The following UBR1 variants were observed in gnomAD, a reference collection of about 807,000 sequenced individuals.
UBR1 encodes ubiquitin protein ligase E3 component n-recognin 1.
Under a neutral mutation model 242.1 loss-of-function variants are expected in UBR1, and 102 were observed. The ratio of observed to expected loss-of-function variants is 0.42; its 90% CI spans 0.36 to 0.50. The LOEUF is 0.50. Ranked by LOEUF, UBR1 falls within the 20% of genes least tolerant of loss-of-function variation. UBR1 has a pLI of 0.01. For synonymous variants in UBR1, 675 were observed against 684.8 expected, an observed-to-expected ratio of 0.99 and a Z score of 0.22; for missense variants, 1,772 against 2,101.8, an observed-to-expected ratio of 0.84 and a Z score of 3.07.
chr15:42,955,826 T>C (rs376294589), intron 44 of UBR1, among the ~76,000 whole-genome samples: 1 of 152,224 alleles, frequency 6.6e-6, no homozygotes, highest in East Asian at 1.9e-4. Flanking sequence ...TACAAAATTA[T>C]GTTTAAGCTA....
At chr15:42,965,619 C>T (rs1363119572) in intron 41 of UBR1, among the ~76,000 whole-genome samples, 1 of 152,084 alleles carries the variant, frequency 6.6e-6, no homozygotes, top group East Asian at 1.9e-4. Flanking sequence ...AATATGCCAC[C>T]ATGCCCAGCT....
At chr15:43,083,432 A>T (rs2033996386) in intron 2 of UBR1, among the ~76,000 whole-genome samples, 1 of 152,116 alleles carries the variant, frequency 6.6e-6, no homozygotes. Flanking sequence ...ACGCAGTGGA[A>T]GGCAGTGGCA....
chr15:43,076,812 C>T (rs1763772605), intron 3 of UBR1, among the ~76,000 whole-genome samples: 2 of 113,242 alleles, frequency 1.8e-5, no homozygotes, highest in African/African-American at 6.6e-5. Context: ...CCGCCCCGTC[C>T]GGGAGGTGAG....
At chr15:42,954,551 G>A (rs1238507028) in intron 44 of UBR1, among the ~76,000 whole-genome samples, 1 of 152,030 alleles carries the variant, frequency 6.6e-6, no homozygotes, top group East Asian at 1.9e-4. Flanking sequence ...GAGTCAAAGA[G>A]GGGCTCTTTA....
At chr15:42,949,737 T>C (rs2031797682) in intron 46 of UBR1, among the ~76,000 whole-genome samples, 1 of 151,584 alleles carries the variant, frequency 6.6e-6, no homozygotes, top group African/African-American at 2.4e-5. Context: ...AGGCAGAGGT[T>C]GCAGTGAGCT....
intron 30 of UBR1, among the ~76,000 whole-genome samples, chr15:43,004,936 G>T (rs1191228175): frequency 4.0e-5 from 6 of 151,548 alleles, no homozygotes; most frequent in African/African-American, 9.7e-5. Flanking sequence ...GAAGTGAGGA[G>T]TGTCTCTGCC....
chr15:43,068,883 T>C (rs2033788383), intron 5 of UBR1, among the ~76,000 whole-genome samples: 1 of 152,162 alleles, frequency 6.6e-6, no homozygotes, highest in African/African-American at 2.4e-5. Context: ...GGCCTGACTG[T>C]ATGTTTTTAA....
At chr15:43,050,012 T>A (rs1032676966) in intron 12 of UBR1, among the ~76,000 whole-genome samples, 1 of 152,126 alleles carries the variant, frequency 6.6e-6, no homozygotes, top group South Asian at 2.1e-4. Context: ...AGTGCAGTGG[T>A]GCAATCATAG....
chr15:43,036,578 C>T lies in UBR1; in HGVS notation c.2038G>A (p.Asp680Asn). ...TACATTTCTTCTCTGCACTTAACAT[C>T]TTGGTAATAAAACACCTATAAGGTA... Reference protein sequence around the residue: ...SLISQVFYYQDVKCREEMYDK... With the variant: ...SLISQVFYYQNVKCREEMYDK... The change falls in exon 18 of 47, where the codon GAT becomes AAT. Residue 680 changes from aspartate (D) to asparagine (N), a missense_variant. Transcript: ENST00000290650. The T allele has an allele frequency of 6.3e-7, 1 of 1,590,408 alleles. No homozygotes were observed. The highest frequency in any genetic ancestry group is 8.6e-7 in the Non-Finnish European group (1 of 1,158,870).
chr15:42,986,188 T>A (rs993689315), intron 35 of UBR1, among the ~76,000 whole-genome samples: 30 of 152,288 alleles, frequency 2.0e-4, no homozygotes, highest in Admixed American at 1.4e-3. Context: ...TTGTTTTGAT[T>A]CCTCAACTAT....
At chr15:43,059,935 T>G in intron 7 of UBR1, 110 bp from the exon 8 acceptor site, 2 of 1,541,396 alleles carry the variant, frequency 1.3e-6, no homozygotes, top group Non-Finnish European at 1.8e-6. Flanking sequence ...TCCAAATCTC[T>G]GCATCTAGGT....
Position 43,005,198 on chromosome 15 carries a change from G to A in UBR1, c.3416-1268C>T, listed in dbSNP as rs547972042. ...TCCGCCCAGCAGCCGCCCCATCTGG[G>A]AAGTGAGGAGCATCTCCGCCCGGCA... On this transcript the variant is annotated intron_variant, in intron 30 of 46. Transcript: ENST00000290650. 5.4e-3 allele frequency among the ~76,000 whole-genome samples: 815 copies of A among 152,146 alleles called. 5 individuals are homozygous for A. Among genetic ancestry groups the A allele is most frequent in the Middle Eastern group, 0.01 (3 of 294 alleles).
At chr15:43,028,240 CTAGT>C (rs2033202197) in intron 21 of UBR1, among the ~76,000 whole-genome samples, 1 of 152,168 alleles carries the variant, frequency 6.6e-6, no homozygotes, top group Non-Finnish European at 1.5e-5. Flanking sequence ...TGAGCTCCAA[CTAGT>C]TAATCTATAG....
At chr15:43,070,452 C>T (rs1235449240) in intron 5 of UBR1, among the ~76,000 whole-genome samples, 1 of 152,076 alleles carries the variant, frequency 6.6e-6, no homozygotes, top group East Asian at 1.9e-4. Context: ...GGAAACCAGA[C>T]ATTAGTCCAG....
intron 46 of UBR1, 98 bp downstream of exon 46, chr15:42,950,164 C>T: frequency 1.8e-6 from 2 of 1,140,650 alleles, no homozygotes; most frequent in Non-Finnish European, 2.7e-6. Flanking sequence ...GATTAAAGAA[C>T]TATTACCGTT....
At chr15:43,018,153 C>G (rs2141299468) in intron 27 of UBR1, among the ~76,000 whole-genome samples, 1 of 151,952 alleles carries the variant, frequency 6.6e-6, no homozygotes, top group South Asian at 2.1e-4. Context: ...CAGGTGCCCG[C>G]CATAACGCCC....
chr15:43,074,884 G>A (rs1302005804), intron 4 of UBR1, 95 bp downstream of exon 4: 8 of 1,029,280 alleles, frequency 7.8e-6, no homozygotes, highest in Non-Finnish European at 1.2e-5. Context: ...AAAACAGCAG[G>A]GTTCTAACTG....
intron 35 of UBR1, among the ~76,000 whole-genome samples, chr15:42,985,644 C>A (rs138211619): frequency 6.6e-6 from 1 of 152,070 alleles, no homozygotes; most frequent in Non-Finnish European, 1.5e-5. Context: ...TGAGCCACTG[C>A]GCCCGACCTC....
At position 43,011,532 on chromosome 15, in the gene UBR1, C is replaced by A. The variant is rs1226396434; in HGVS notation, c.3209+4156G>T. The stretch of plus-strand genomic sequence containing the variant: ...GGTCAGTGAATAATCATATGAGAAG[C>A]TGCTCAACCTAGTACTAAATAGCAA... On this transcript the variant is annotated intron_variant, in intron 29 of 46. Coordinates refer to ENST00000290650, the MANE Select transcript of UBR1 (RefSeq NM_174916.3). Among the ~76,000 whole-genome samples, 5 of 152,298 alleles carry A rather than the reference C, an allele frequency of 3.3e-5. No homozygotes were observed. The East Asian group carries it at 9.6e-4, about 29-fold the overall frequency.
Sources: allele counts gnomAD v4.1 joint callset (sites outside exome capture counted in the v4.1 genomes callset), GRCh38; gene constraint gnomAD v4.1.1; transcripts MANE v1.5; gene names NCBI Gene and HGNC (gene_info 2026-07-23, HGNC 2026-07-21).